SMG7: variants seen among roughly 807,000 people sequenced by gnomAD.
SMG7 encodes the protein SMG7 nonsense mediated mRNA decay factor, also known as nonsense-mediated mRNA decay factor SMG7.
In SMG7, 34 loss-of-function variants were observed where a neutral mutation model predicts 148.2. That is an observed-to-expected ratio of 0.23 (90% CI 0.17 to 0.31). The LOEUF is 0.31. SMG7 is among the 10% of genes least tolerant of loss of function. SMG7 has a pLI of 1.00. For missense variants in SMG7, 1,114 were observed against 1,408.4 expected (o/e 0.79, Z 3.35); for synonymous variants, 492 against 515.1 (o/e 0.96, Z 0.61).
At chr1:183,533,610 A>G (rs1572031259) in intron 9 of SMG7, 66 bp from the exon 10 acceptor site, 1 of 1,363,364 alleles carries the variant, frequency 7.3e-7, no homozygotes, top group East Asian at 2.3e-5. Context: ...AAGGCACATA[A>G]TATTTTAATT....
chr1:183,544,504 A>G lies in SMG7; in HGVS notation c.1987+7A>G. 1 of 1,611,924 alleles carries G rather than the reference A, an allele frequency of 6.2e-7. No homozygotes were observed. Among genetic ancestry groups the G allele is most frequent in the Non-Finnish European group, 8.5e-7 (1 of 1,178,752 alleles). ...CCTCTTCCCAGCAGGCCAGGTAAAT[A>G]TGTTTTGTAATTTCTTCTACTTAAT... On this transcript the variant is annotated splice_region_variant and intron_variant, in intron 15 of 22. Transcript: ENST00000688051.
intron 1 of SMG7, among the ~76,000 whole-genome samples, chr1:183,481,881 G>A (rs1247990432): frequency 6.6e-6 from 1 of 150,836 alleles, no homozygotes; most frequent in East Asian, 1.9e-4. Flanking sequence ...GGCTGGTTTT[G>A]AACTCCTGGC....
At chr1:183,530,189 G>A (rs183992970) in intron 8 of SMG7, among the ~76,000 whole-genome samples, 15 of 152,192 alleles carry the variant, frequency 9.9e-5, no homozygotes, top group African/African-American at 3.1e-4. Context: ...GTGTTAAACA[G>A]TAAATGACAA....
Position 183,529,521 on chromosome 1 carries a change from A to G in SMG7, c.831A>G (p.Glu277=). The G allele has an allele frequency of 1.9e-6, 3 of 1,612,424 alleles. No homozygotes were observed. In the South Asian group the frequency reaches 3.3e-5, roughly 18 times the overall value. Residue 277 remains glutamate, a synonymous_variant, in exon 8 of 23, where the codon GAA becomes GAG. Coordinates refer to ENST00000688051, the MANE Select transcript of SMG7 (RefSeq NM_001375584.1). ...EKLSPLREKL[E]EQFKRLLFQK... ...TGAGCCCTCTTCGAGAGAAATTGGAAGAACAGTTTAAGGTTAGATTTCAGA... is the reference window on the plus strand; with the variant it reads ...TGAGCCCTCTTCGAGAGAAATTGGAGGAACAGTTTAAGGTTAGATTTCAGA...
chr1:183,550,084 AAG>A, intron 20 of SMG7, 161 bp downstream of exon 20: 26 of 610,868 alleles, frequency 4.3e-5, no homozygotes, highest in Middle Eastern at 4.7e-4. Flanking sequence ...GAAAAAAAAA[AAG>A]AAGAAGCCGG....
At chr1:183,491,199 T>G (rs1351484671) in intron 1 of SMG7, among the ~76,000 whole-genome samples, 1 of 152,258 alleles carries the variant, frequency 6.6e-6, no homozygotes, top group Non-Finnish European at 1.5e-5. Context: ...AGTGGGATGA[T>G]GTAATGCATT....
chr1:183,525,378 ATGGT>A (rs1294147628), intron 4 of SMG7, among the ~76,000 whole-genome samples: 1 of 152,118 alleles, frequency 6.6e-6, no homozygotes, highest in Non-Finnish European at 1.5e-5. Context: ...GTGGTAATGG[ATGGT>A]TGGGTGAGAG....
intron 22 of SMG7, among the ~76,000 whole-genome samples, chr1:183,551,416 A>G (rs940194098): frequency 6.6e-6 from 1 of 152,232 alleles, no homozygotes; most frequent in East Asian, 1.9e-4. Context: ...GGACAAAAAC[A>G]AAGGTTTTAG....
intron 1 of SMG7, chr1:183,473,887 A>G (rs546656608): frequency 1.0e-6 from 1 of 985,234 alleles, no homozygotes; most frequent in Non-Finnish European, 1.2e-6. Flanking sequence ...CCCTATATGT[A>G]TATTGCAAGA....
intron 1 of SMG7, among the ~76,000 whole-genome samples, chr1:183,505,673 C>A (rs1402350114): frequency 6.6e-6 from 1 of 152,210 alleles, no homozygotes; most frequent in African/African-American, 2.4e-5. Context: ...TGAACAGCTG[C>A]TACGGTCAAG....
intron 4 of SMG7, among the ~76,000 whole-genome samples, chr1:183,522,908 C>T (rs1665077124): frequency 1.3e-5 from 2 of 152,106 alleles, no homozygotes; most frequent in South Asian, 4.2e-4. Context: ...TCCCAAATAC[C>T]TAGGACTACA....
chr1:183,538,246 A>G, intron 11 of SMG7, 134 bp from the exon 12 acceptor site: 1 of 642,644 alleles, frequency 1.6e-6, no homozygotes, highest in Admixed American at 2.5e-5. Context: ...CAGGATCATG[A>G]TAAAGAAGAG....
Position 183,527,823 on chromosome 1 carries a change from A to G in SMG7, c.485-133A>G. The G allele has an allele frequency of 1.5e-6, 1 of 652,238 alleles. No homozygotes were observed. Among genetic ancestry groups the G allele is most frequent in the East Asian group, 3.0e-5 (1 of 33,834 alleles). The allele number at this position is 652,238 out of a possible 1,614,324, so 40.4% of individuals were successfully genotyped here. On this transcript the variant is annotated intron_variant, in intron 5 of 22. Coordinates refer to ENST00000688051, the MANE Select transcript of SMG7 (RefSeq NM_001375584.1). This position sits in a 1 kb window ranked among gnomAD's most constrained non-coding sequence, Gnocchi z 4.0. ...TAATCCTATAGTTAATTTGTTTTAAAGTATTTTGTCTTTAATTTTAAATTA... is the reference window on the plus strand; with the variant it reads ...TAATCCTATAGTTAATTTGTTTTAAGGTATTTTGTCTTTAATTTTAAATTA...
intron 1 of SMG7, among the ~76,000 whole-genome samples, chr1:183,483,018 TAAAG>T (rs1334753508): frequency 2.0e-5 from 3 of 152,184 alleles, no homozygotes; most frequent in Non-Finnish European, 4.4e-5. Flanking sequence ...TTTCAAGTCA[TAAAG>T]AAGAAAAACT....
chr1:183,498,663 A>G (rs1659088170), intron 1 of SMG7, among the ~76,000 whole-genome samples: 2 of 152,088 alleles, frequency 1.3e-5, no homozygotes, highest in African/African-American at 2.4e-5. Flanking sequence ...TTTCCCATAT[A>G]CCCCTTGCTC....
intron 19 of SMG7, 139 bp from the exon 20 acceptor site, chr1:183,549,625 C>A: frequency 1.4e-6 from 1 of 711,820 alleles, no homozygotes. Context: ...AAAATTGAAA[C>A]AAAAAGAAAT....
intron 1 of SMG7, among the ~76,000 whole-genome samples, chr1:183,507,726 A>T (rs1374206447): frequency 6.6e-6 from 1 of 152,180 alleles, no homozygotes; most frequent in Non-Finnish European, 1.5e-5. Context: ...TAGTACCTGT[A>T]GTATAGTATA....
Position 183,472,663 on chromosome 1 carries a change from C to A in SMG7, c.29+14C>A. ...GCAGTACCTCCGGTGAGTGCCGAGG[C>A]CGGGCTGGTACGTAGGGGGAGCGGG... On this transcript the variant is annotated intron_variant, in intron 1 of 22. Transcript: ENST00000688051. The A allele has an allele frequency of 6.8e-7, 1 of 1,465,704 alleles. No individual in the cohort carries two copies. 90.8% of individuals were successfully genotyped at this position (1,465,704 alleles called of 1,614,324 possible). A position where few individuals can be genotyped will look rare whatever the true frequency, so the allele number is the denominator to read the frequency against.
At chr1:183,533,956 C>A in intron 10 of SMG7, 124 bp downstream of exon 10, 1 of 755,580 alleles carries the variant, frequency 1.3e-6, no homozygotes, top group Non-Finnish European at 2.1e-6. Context: ...TCTGCCGACT[C>A]TCGGGAATTG....
Sources: gnomAD v4.1 joint callset for allele counts (sites outside exome capture counted in the v4.1 genomes callset) on GRCh38, gnomAD v4.1.1 for gene constraint, Gnocchi (gnomAD v3.1) non-coding constraint, MANE v1.5 for transcripts, NCBI Gene and HGNC (gene_info 2026-07-23, HGNC 2026-07-21) for gene names.